MAST4: variants seen among roughly 807,000 people sequenced by gnomAD.
The protein encoded by MAST4 is microtubule-associated serine/threonine-protein kinase 4.
MAST4 carries 89 observed loss-of-function variants against 162.7 expected under a neutral mutation model. That is an observed-to-expected ratio of 0.55 (90% CI 0.46 to 0.65). The LOEUF (loss-of-function observed/expected upper bound fraction) is 0.65. Ranked by LOEUF, MAST4 falls within the 30% of genes least tolerant of loss-of-function variation. MAST4 has a pLI of 0.00. For synonymous variants in MAST4, 1,479 were observed against 1,361.1 expected, an observed-to-expected ratio of 1.09 and a Z score of -1.91; for missense variants, 3,153 against 3,374.0, an observed-to-expected ratio of 0.93 and a Z score of 1.62.
intron 4 of MAST4, chr5:67,004,970 A>G (rs1751801368): frequency 2.6e-6 from 2 of 757,870 alleles, no homozygotes; most frequent in Non-Finnish European, 4.9e-6. Context: ...CCTTGAACCC[A>G]CAGTGAATTG....
At chr5:66,770,372 C>T (rs1342475866) in intron 2 of MAST4, among the ~76,000 whole-genome samples, 2 of 152,206 alleles carry the variant, frequency 1.3e-5, no homozygotes, top group Non-Finnish European at 1.5e-5. Flanking sequence ...GCGCAGCTGT[C>T]AGTGAGTTCC....
intron 1 of MAST4, among the ~76,000 whole-genome samples, chr5:66,694,467 C>CT (rs990832962): frequency 1.3e-5 from 2 of 151,806 alleles, no homozygotes; most frequent in African/African-American, 4.8e-5. Flanking sequence ...TGATGTTGAG[C>CT]TTTTTTTTCT....
intron 1 of MAST4, among the ~76,000 whole-genome samples, chr5:66,747,539 C>G (rs929085014): frequency 3.0e-4 from 46 of 152,278 alleles, no homozygotes; most frequent in African/African-American, 1.1e-3. Context: ...TGTTGCTCAG[C>G]AAATTATTTG....
intron 24 of MAST4, among the ~76,000 whole-genome samples, chr5:67,150,544 G>A (rs554380669): frequency 2.0e-5 from 3 of 152,168 alleles, no homozygotes; most frequent in African/African-American, 7.2e-5. Flanking sequence ...CTCTTCATAA[G>A]CTGAAGATGA....
At chr5:67,135,259 T>C (rs1384196349) in intron 18 of MAST4, among the ~76,000 whole-genome samples, 1 of 152,224 alleles carries the variant, frequency 6.6e-6, no homozygotes, top group Non-Finnish European at 1.5e-5. Flanking sequence ...CATCTTTCAT[T>C]TAAAATTCAA....
chr5:66,625,389 C>T (rs1207047492), intron 1 of MAST4, among the ~76,000 whole-genome samples: 1 of 152,122 alleles, frequency 6.6e-6, no homozygotes, highest in African/African-American at 2.4e-5. Context: ...GCCTGTTACC[C>T]CCATGACAGG....
chr5:66,911,058 T>C (rs1289846803), intron 4 of MAST4, among the ~76,000 whole-genome samples: 1 of 152,170 alleles, frequency 6.6e-6, no homozygotes, highest in Non-Finnish European at 1.5e-5. Context: ...TGTTTTCTTT[T>C]AATAAGTTGT....
intron 5 of MAST4, among the ~76,000 whole-genome samples, chr5:67,084,282 C>T (rs77796242): frequency 0.014 from 2,143 of 152,258 alleles, 32 homozygotes; most frequent in African/African-American, 0.037. Flanking sequence ...ACTGTTGTCA[C>T]TGGCAGGGTT....
chr5:66,616,356 T>G (rs1262361802), intron 1 of MAST4, among the ~76,000 whole-genome samples: 4 of 152,158 alleles, frequency 2.6e-5, no homozygotes, highest in Admixed American at 6.5e-5. Flanking sequence ...TTTTTTCCCT[T>G]AAATTTTAAG....
At chr5:66,750,854 A>G (rs1753106977) in intron 1 of MAST4, among the ~76,000 whole-genome samples, 1 of 152,184 alleles carries the variant, frequency 6.6e-6, no homozygotes, top group Non-Finnish European at 1.5e-5. Context: ...GGCACAGACA[A>G]ACAAAAAGAC....
chr5:66,769,872 G>A lies in MAST4; in HGVS notation c.517+10010G>A, dbSNP rs551775660. 9.2e-5 allele frequency among the ~76,000 whole-genome samples: 14 copies of A among 152,206 alleles called. No homozygotes were observed. The South Asian group carries it at 1.7e-3, about 18-fold the overall frequency. On this transcript the variant is annotated intron_variant, in intron 2 of 28. Coordinates refer to ENST00000403625, the MANE Select transcript of MAST4 (RefSeq NM_001164664.2). ...TCCCAATTTGGGTTCTTGGCTCTTCGCCAACCAGAAGAAAAAGCCCAGATC... is the reference window on the plus strand; with the variant it reads ...TCCCAATTTGGGTTCTTGGCTCTTCACCAACCAGAAGAAAAAGCCCAGATC...
intron 1 of MAST4, among the ~76,000 whole-genome samples, chr5:66,755,883 T>A (rs140230783): frequency 3.3e-4 from 51 of 152,334 alleles, no homozygotes; most frequent in African/African-American, 1.2e-3. Context: ...CAAGCCACAA[T>A]GTCATCGTGG....
Position 66,934,578 on chromosome 5 carries a change from ATT to A in MAST4, c.674+34606_674+34607del, listed in dbSNP as rs66915752. ...GTATTAAGTATTCATATATCCCTGA[ATT>A]TTTTTTTTTCAGATTGCAGTTTGAG... On this transcript the variant is annotated intron_variant, in intron 4 of 28. Transcript: ENST00000403625. Among the ~76,000 whole-genome samples, 22 of 149,836 alleles carry A rather than the reference ATT, an allele frequency of 1.5e-4. 1 individual carries two copies. The highest frequency in any genetic ancestry group is 5.4e-4 in the African/African-American group (22 of 40,998).
At chr5:66,962,496 C>T (rs1746138816) in intron 4 of MAST4, among the ~76,000 whole-genome samples, 1 of 152,098 alleles carries the variant, frequency 6.6e-6, no homozygotes, top group Non-Finnish European at 1.5e-5. Flanking sequence ...TCACTTGAGC[C>T]CAGGAGTTTG....
chr5:67,149,405 G>A lies in MAST4; in HGVS notation c.3111G>A (p.Glu1037=), dbSNP rs1353277980. ...SSTLSVGSFS[E]HLDQINGRSE... Reference sequence around the variant, plus strand: ...TTTGTACAGTTGGCAGTTTTTCAGAGCACTTGGATCAGATAAATGGACGAA... The same window carrying A: ...TTTGTACAGTTGGCAGTTTTTCAGAACACTTGGATCAGATAAATGGACGAA... Residue 1037 remains glutamate (E), a synonymous_variant, in exon 24 of 29, where the codon GAG becomes GAA. Coordinates refer to ENST00000403625, the MANE Select transcript of MAST4 (RefSeq NM_001164664.2). The A allele has an allele frequency of 1.2e-6, 2 of 1,612,894 alleles. No homozygotes were observed. Among genetic ancestry groups the A allele is most frequent in the African/African-American group, 1.3e-5 (1 of 75,008 alleles).
intron 24 of MAST4, among the ~76,000 whole-genome samples, chr5:67,151,744 C>CT (rs531966597): frequency 1.4e-3 from 193 of 137,256 alleles, no homozygotes; most frequent in Non-Finnish European, 2.0e-3. Context: ...AAATTCTTTC[C>CT]TTTTTTTTTT....
intron 1 of MAST4, among the ~76,000 whole-genome samples, chr5:66,709,758 AT>A (rs1375819949): frequency 1.3e-5 from 2 of 152,242 alleles, no homozygotes. Flanking sequence ...ATTATAAAAA[AT>A]AATCACCAGA....
chr5:66,661,288 TC>T (rs1746893937), intron 1 of MAST4, among the ~76,000 whole-genome samples: 1 of 152,152 alleles, frequency 6.6e-6, no homozygotes, highest in Non-Finnish European at 1.5e-5. Context: ...ATGTGTGTGT[TC>T]CCTCCTGGTC....
At chr5:67,003,785 T>C (rs1391351733) in intron 4 of MAST4, 1 of 152,204 alleles carries the variant, frequency 6.6e-6, no homozygotes, top group African/African-American at 2.4e-5. Flanking sequence ...GGGCAATACT[T>C]GTAGCATTTG....
Sources: allele counts gnomAD v4.1 joint callset (sites outside exome capture counted in the v4.1 genomes callset), GRCh38; gene constraint gnomAD v4.1.1; transcripts MANE v1.5; gene names NCBI Gene and HGNC (gene_info 2026-07-23, HGNC 2026-07-21).